The following LDB2 variants were observed in gnomAD, a reference collection of about 807,000 sequenced individuals.
LDB2 encodes LIM domain binding 2.
LDB2 carries 12 observed loss-of-function variants against 44.3 expected under a neutral mutation model. The ratio of observed to expected loss-of-function variants is 0.27; its 90% CI spans 0.17 to 0.44. The LOEUF is 0.44. Ranked by LOEUF, LDB2 falls within the 20% of genes least tolerant of loss-of-function variation. LDB2 has a pLI of 1.00. For synonymous variants in LDB2, 164 were observed against 174.8 expected (o/e 0.94, Z 0.49); for missense variants, 344 against 473.5 (o/e 0.73, Z 2.54).
At chr4:16,812,317 C>A (rs1049005310) in intron 1 of LDB2, among the ~76,000 whole-genome samples, 4 of 152,084 alleles carry the variant, frequency 2.6e-5, no homozygotes, top group African/African-American at 9.7e-5. Context: ...ATTACTTTCT[C>A]CCTCCTTTCC....
chr4:16,560,966 C>A (rs1345692307), intron 5 of LDB2, among the ~76,000 whole-genome samples: 1 of 152,132 alleles, frequency 6.6e-6, no homozygotes, highest in Non-Finnish European at 1.5e-5. Context: ...AAGACAAAAA[C>A]CACATGATTA....
intron 1 of LDB2, among the ~76,000 whole-genome samples, chr4:16,880,580 A>G (rs1719764034): frequency 6.6e-6 from 1 of 151,948 alleles, no homozygotes; most frequent in Non-Finnish European, 1.5e-5. Flanking sequence ...GGAGCCTACT[A>G]CTTCTTTCAT....
At chr4:16,888,321 C>G (rs745407401) in intron 1 of LDB2, among the ~76,000 whole-genome samples, 3 of 152,184 alleles carry the variant, frequency 2.0e-5, no homozygotes, top group Non-Finnish European at 4.4e-5. Context: ...GAGAAAACAC[C>G]AATCACAGCT....
At chr4:16,635,141 G>C (rs373579624) in intron 2 of LDB2, among the ~76,000 whole-genome samples, 5 of 152,236 alleles carry the variant, frequency 3.3e-5, no homozygotes, top group African/African-American at 1.2e-4. Flanking sequence ...CGGCCTGTCA[G>C]GGGGTGGGGA....
chr4:16,735,491 A>C (rs1761709261), intron 2 of LDB2, among the ~76,000 whole-genome samples: 1 of 152,136 alleles, frequency 6.6e-6, no homozygotes, highest in Non-Finnish European at 1.5e-5. Context: ...CTGCCCTCCC[A>C]TGCAGGTGGC....
Position 16,588,734 on chromosome 4 carries a change from G to T in LDB2, c.507C>A (p.Val169=), listed in dbSNP as rs766017618. The T allele has an allele frequency of 2.5e-6, 4 of 1,613,900 alleles. No homozygotes were observed. Among genetic ancestry groups the T allele is most frequent in the Non-Finnish European group, 3.4e-6 (4 of 1,179,872 alleles). ...CATGCATGGCTAGGATGCTTCTCGG[G>T]ACTAACTCTCGGTATTGTCTAATGG... ...HFTIRQYREL[V]PRSILAMHAQ... The change falls in exon 4 of 8, where the codon GTC becomes GTA. Residue 169 remains valine (V), a synonymous_variant. Transcript: ENST00000304523.
intron 5 of LDB2, among the ~76,000 whole-genome samples, chr4:16,531,453 C>T (rs926433321): frequency 7.2e-5 from 11 of 152,224 alleles, no homozygotes; most frequent in African/African-American, 2.7e-4. Context: ...AGGCAAACAA[C>T]ATATTATTCA....
At chr4:16,713,601 T>C (rs2152666725) in intron 2 of LDB2, among the ~76,000 whole-genome samples, 1 of 152,312 alleles carries the variant, frequency 6.6e-6, no homozygotes, top group East Asian at 1.9e-4. Context: ...TTTTAAAAGC[T>C]TTATTAGGTT....
chr4:16,766,631 G>T (rs1055493030), intron 1 of LDB2, among the ~76,000 whole-genome samples: 1 of 151,364 alleles, frequency 6.6e-6, no homozygotes, highest in East Asian at 2.0e-4. Context: ...TCAGCCACGC[G>T]AGTAGCTGGG....
At chr4:16,816,593 T>C (rs1026781228) in intron 1 of LDB2, among the ~76,000 whole-genome samples, 3 of 151,900 alleles carry the variant, frequency 2.0e-5, no homozygotes. Context: ...GTATTTTTAG[T>C]AGAGACAGGG....
chr4:16,703,304 T>C (rs1753892786), intron 2 of LDB2, among the ~76,000 whole-genome samples: 1 of 152,200 alleles, frequency 6.6e-6, no homozygotes, highest in Non-Finnish European at 1.5e-5. Context: ...AAGAAGCCAG[T>C]CGTGGAAGGA....
chr4:16,769,005 G>C (rs1770004207), intron 1 of LDB2, among the ~76,000 whole-genome samples: 1 of 152,156 alleles, frequency 6.6e-6, no homozygotes, highest in Non-Finnish European at 1.5e-5. Flanking sequence ...GCTCCATTAT[G>C]ATGTTCCTTT....
chr4:16,614,634 A>G (rs1726689706), intron 2 of LDB2, among the ~76,000 whole-genome samples: 1 of 136,178 alleles, frequency 7.3e-6, no homozygotes, highest in Non-Finnish European at 1.6e-5. Context: ...TGGGCAAAGG[A>G]TATGAACAGA....
At chr4:16,727,953 C>T (rs6837118) in intron 2 of LDB2, among the ~76,000 whole-genome samples, 20,704 of 152,126 alleles carry the variant, frequency 0.14, 1,614 homozygotes, top group Admixed American at 0.19. Flanking sequence ...TAACCATTCT[C>T]AAGGCTCCAT....
intron 1 of LDB2, among the ~76,000 whole-genome samples, chr4:16,764,076 A>C (rs1403627820): frequency 1.3e-5 from 2 of 152,214 alleles, no homozygotes; most frequent in Non-Finnish European, 2.9e-5. Flanking sequence ...GATGAAGCTA[A>C]AGTTCACGTA....
intron 2 of LDB2, among the ~76,000 whole-genome samples, chr4:16,642,031 A>G (rs1381066266): frequency 6.6e-6 from 1 of 152,222 alleles, no homozygotes; most frequent in Non-Finnish European, 1.5e-5. Context: ...TCAACTAAAA[A>G]TAAAACAGAA....
intron 2 of LDB2, among the ~76,000 whole-genome samples, chr4:16,631,906 T>C (rs932927526): frequency 1.7e-4 from 26 of 152,214 alleles, no homozygotes; most frequent in African/African-American, 6.3e-4. Flanking sequence ...AATCTCTGAA[T>C]AGACCAATAA....
chr4:16,710,660 C>CA (rs1284679823), intron 2 of LDB2, among the ~76,000 whole-genome samples: 2 of 151,716 alleles, frequency 1.3e-5, no homozygotes, highest in African/African-American at 2.4e-5. Flanking sequence ...TAAGAAAATA[C>CA]AAAAAAAAGT....
At chr4:16,819,546 AT>A (rs369337544) in intron 1 of LDB2, among the ~76,000 whole-genome samples, 2,534 of 146,400 alleles carry the variant, frequency 0.017, 40 homozygotes, top group Non-Finnish European at 0.026. Context: ...TTCAAGCAGT[AT>A]TTTTTTTTTA....
Sources: allele counts gnomAD v4.1 joint callset (sites outside exome capture counted in the v4.1 genomes callset), GRCh38; gene constraint gnomAD v4.1.1; transcripts MANE v1.5; gene names NCBI Gene and HGNC (gene_info 2026-07-23, HGNC 2026-07-21).